Variants in ATAD2B observed in about 807,000 individuals in gnomAD.
The protein encoded by ATAD2B is ATPase family AAA domain-containing protein 2B.
Under a neutral mutation model 167.6 loss-of-function variants are expected in ATAD2B, and 40 were observed. The ratio of observed to expected loss-of-function variants is 0.24; its 90% CI spans 0.19 to 0.31. The LOEUF is 0.31. ATAD2B is among the 10% of genes least tolerant of loss of function. ATAD2B has a pLI of 1.00. For synonymous variants in ATAD2B, 579 were observed against 596.5 expected, an observed-to-expected ratio of 0.97 and a Z score of 0.43; for missense variants, 1,242 against 1,757.2, an observed-to-expected ratio of 0.71 and a Z score of 5.24.
intron 6 of ATAD2B, among the ~76,000 whole-genome samples, chr2:23,883,003 G>A (rs1698174801): frequency 6.6e-6 from 1 of 152,138 alleles, no homozygotes; most frequent in Non-Finnish European, 1.5e-5. Flanking sequence ...GCTGGACATG[G>A]TGGCTTACGC....
the ATAD2B span, among the ~76,000 whole-genome samples, chr2:23,709,927 G>A: frequency 4.7e-4 from 72 of 152,312 alleles, 1 homozygote; most frequent in African/African-American, 1.6e-3. Context: ...AAGAGTCTGT[G>A]TATTTCAGAC....
chr2:23,845,268 G>A (rs1157308594), intron 13 of ATAD2B, among the ~76,000 whole-genome samples: 3 of 152,054 alleles, frequency 2.0e-5, no homozygotes, highest in Non-Finnish European at 4.4e-5. Flanking sequence ...TGCATTGAAC[G>A]TTCACAGTAA....
chr2:23,879,259 G>C (rs1697493211), intron 7 of ATAD2B, among the ~76,000 whole-genome samples: 1 of 151,864 alleles, frequency 6.6e-6, no homozygotes, highest in South Asian at 2.1e-4. Flanking sequence ...ACAAATGAAT[G>C]GATAAACAAA....
intron 16 of ATAD2B, among the ~76,000 whole-genome samples, chr2:23,821,527 A>C (rs2149639813): frequency 6.6e-6 from 1 of 152,350 alleles, no homozygotes; most frequent in African/African-American, 2.4e-5. Context: ...TGAGTCTGTC[A>C]CTAAACAATT....
chr2:23,809,107 A>C (rs1010168715), intron 18 of ATAD2B: 1 of 152,082 alleles, frequency 6.6e-6, no homozygotes, highest in Non-Finnish European at 1.5e-5. Flanking sequence ...TTTTCTACTA[A>C]ATCATTTGTA....
chr2:23,686,664 G>C, the ATAD2B span, among the ~76,000 whole-genome samples: 2 of 152,160 alleles, frequency 1.3e-5, no homozygotes, highest in Non-Finnish European at 2.9e-5. Context: ...CTGGGGAGAT[G>C]AGCAGTTGAC....
chr2:23,837,872 TTAGAG>T (rs1286530146), intron 13 of ATAD2B, among the ~76,000 whole-genome samples: 1 of 152,220 alleles, frequency 6.6e-6, no homozygotes, highest in Non-Finnish European at 1.5e-5. Context: ...TCTGCATATT[TTAGAG>T]TAGTTTTTAA....
chr2:23,706,527 A>G, the ATAD2B span: 3 of 1,536,034 alleles, frequency 2.0e-6, no homozygotes, highest in Non-Finnish European at 2.6e-6. Context: ...AGGTATTGTC[A>G]GCAGTGAAGG....
Position 23,848,041 on chromosome 2 carries a change from T to C in ATAD2B, c.1568+9374A>G, listed in dbSNP as rs143501543. Among the ~76,000 whole-genome samples the C allele has an allele frequency of 6.4e-4, 96 of 149,510 alleles. 1 individual carries two copies. Among genetic ancestry groups the C allele is most frequent in the African/African-American group, 2.3e-3 (95 of 40,824 alleles). The stretch of plus-strand genomic sequence containing the variant: ...TCAGATATGGAAAAGCCAAAAGAAC[T>C]TGTCACTTGCAGGCCCACACTGTAA... On this transcript the variant is annotated intron_variant, in intron 13 of 27. Transcript: ENST00000238789.
intron 20 of ATAD2B, among the ~76,000 whole-genome samples, chr2:23,787,715 C>T (rs1291035261): frequency 1.3e-5 from 2 of 151,870 alleles, no homozygotes; most frequent in African/African-American, 4.8e-5. Flanking sequence ...AAGAAGGGCT[C>T]TAAGAAACAT....
chr2:23,880,484 A>G (rs1276704990), intron 7 of ATAD2B, among the ~76,000 whole-genome samples, 155 bp downstream of exon 7: 1 of 151,360 alleles, frequency 6.6e-6, no homozygotes, highest in East Asian at 1.9e-4. Flanking sequence ...AATGGCATAA[A>G]CCCAGGAGGC....
the ATAD2B span, among the ~76,000 whole-genome samples, chr2:23,716,472 T>TTGC: frequency 6.6e-6 from 1 of 150,860 alleles, no homozygotes; most frequent in South Asian, 2.1e-4. Flanking sequence ...GTTGTTGTTG[T>TTGC]TACCTGGATC....
chr2:23,763,706 C>T (rs978948382), intron 23 of ATAD2B, among the ~76,000 whole-genome samples: 4 of 152,162 alleles, frequency 2.6e-5, no homozygotes, highest in African/African-American at 9.7e-5. Context: ...CCTCCCAACT[C>T]GGCCTTCCAA....
intron 22 of ATAD2B, among the ~76,000 whole-genome samples, chr2:23,773,403 G>A (rs1326495722): frequency 1.3e-5 from 2 of 152,106 alleles, no homozygotes; most frequent in Non-Finnish European, 2.9e-5. Context: ...TCAGGAGACT[G>A]AAGTGGGAAG....
intron 25 of ATAD2B, among the ~76,000 whole-genome samples, chr2:23,755,354 C>G (rs946917359): frequency 1.3e-5 from 2 of 152,078 alleles, no homozygotes; most frequent in African/African-American, 4.8e-5. Context: ...TCTTTCCTAC[C>G]TTAGAGTAAA....
the ATAD2B span, chr2:23,690,683 T>C: frequency 6.6e-6 from 1 of 152,206 alleles, no homozygotes. Flanking sequence ...CGGGGCCGCC[T>C]CCGGACTCCT....
chr2:23,913,260 C>T (rs1702556750), intron 1 of ATAD2B, among the ~76,000 whole-genome samples: 1 of 152,176 alleles, frequency 6.6e-6, no homozygotes, highest in Admixed American at 6.6e-5. Context: ...AGAGATGTTC[C>T]ATGCTGTTAG....
At chr2:23,753,591 G>T (rs1025670267) in intron 27 of ATAD2B, among the ~76,000 whole-genome samples, 3 of 152,124 alleles carry the variant, frequency 2.0e-5, no homozygotes, top group Non-Finnish European at 4.4e-5. Flanking sequence ...TATACAGGAA[G>T]AATTTCCCTT....
intron 2 of ATAD2B, among the ~76,000 whole-genome samples, chr2:23,894,350 G>A (rs1041826136): frequency 6.6e-6 from 1 of 151,916 alleles, no homozygotes; most frequent in African/African-American, 2.4e-5. Flanking sequence ...GCGTGGTGGC[G>A]CATGCCTGTA....
Sources: allele counts gnomAD v4.1 joint callset (sites outside exome capture counted in the v4.1 genomes callset), GRCh38; gene constraint gnomAD v4.1.1; transcripts MANE v1.5; gene names NCBI Gene and HGNC (gene_info 2026-07-23, HGNC 2026-07-21).